The following DCAF6 variants were observed in gnomAD, a reference collection of about 807,000 sequenced individuals.
The protein encoded by DCAF6 is DDB1- and CUL4-associated factor 6.
A neutral mutation model predicts 125.1 loss-of-function variants in DCAF6; 54 were observed. The observed-to-expected ratio is 0.43, with a 90% CI of 0.35 to 0.54. The LOEUF (loss-of-function observed/expected upper bound fraction) is 0.54, where lower values mean the gene tolerates loss of function less well. Ranked by LOEUF, DCAF6 falls within the 20% of genes least tolerant of loss-of-function variation. The pLI is 0.01. For missense variants in DCAF6, 934 were observed against 1,161.7 expected, an observed-to-expected ratio of 0.80 and a Z score of 2.85; for synonymous variants, 371 against 390.4, an observed-to-expected ratio of 0.95 and a Z score of 0.58.
intron 17 of DCAF6, among the ~76,000 whole-genome samples, chr1:168,052,504 C>A (rs946957339): frequency 3.3e-5 from 5 of 152,170 alleles, no homozygotes; most frequent in Admixed American, 2.0e-4. Flanking sequence ...GTGGAAACTT[C>A]TAATTATAAG....
Position 168,045,294 on chromosome 1 carries a change from T to G in DCAF6, c.2258+67T>G, listed in dbSNP as rs417427. 51,618 of 1,400,108 alleles carry G rather than the reference T, an allele frequency of 0.037. 7,381 individuals are homozygous for G. The African/African-American group carries it at 0.44, about 12-fold the overall frequency. 86.7% of individuals were successfully genotyped at this position (1,400,108 alleles called of 1,614,324 possible). On this transcript the variant is annotated intron_variant, in intron 16 of 21. Transcript: ENST00000367840. ...TTCACAAGGATTTGTTTGAAGTCAT[T>G]GAAGGGAATCTCTCCATTTTTGACA...
At chr1:168,043,278 G>A (rs966299322) in intron 14 of DCAF6, 138 bp downstream of exon 14, 1 of 651,696 alleles carries the variant, frequency 1.5e-6, no homozygotes, top group African/African-American at 1.8e-5. Flanking sequence ...CTGTTAAACT[G>A]ATAGATAGCA....
chr1:168,049,381 T>C (rs1293297704), intron 16 of DCAF6, among the ~76,000 whole-genome samples: 1 of 151,686 alleles, frequency 6.6e-6, no homozygotes, highest in South Asian at 2.1e-4. Context: ...TAGCTGGGAT[T>C]ACAGGTGCAT....
intron 4 of DCAF6, among the ~76,000 whole-genome samples, chr1:167,977,123 C>T (rs1193025383): frequency 7.3e-5 from 11 of 150,236 alleles, no homozygotes; most frequent in East Asian, 2.0e-4. Context: ...AGGCTGGTCT[C>T]GAACTCCCGA....
chr1:168,001,755 A>G (rs572664452), intron 7 of DCAF6, among the ~76,000 whole-genome samples: 8 of 152,316 alleles, frequency 5.3e-5, no homozygotes, highest in Admixed American at 3.9e-4. Flanking sequence ...AAGATACTCA[A>G]GGAGTTGAAG....
At chr1:167,884,556 C>A in the DCAF6 span, among the ~76,000 whole-genome samples, 1 of 152,252 alleles carries the variant, frequency 6.6e-6, no homozygotes, top group African/African-American at 2.4e-5. Flanking sequence ...GTTGTACTAG[C>A]AAATACTAGG....
At chr1:167,966,142 T>C (rs561299275) in intron 2 of DCAF6, among the ~76,000 whole-genome samples, 14 of 152,346 alleles carry the variant, frequency 9.2e-5, no homozygotes, top group African/African-American at 2.9e-4. Flanking sequence ...CTTACCTCTC[T>C]GAAGGATCCA....
the DCAF6 span, chr1:167,920,577 T>C: frequency 1.1e-5 from 17 of 1,613,924 alleles, no homozygotes; most frequent in Non-Finnish European, 1.4e-5. Flanking sequence ...GATTGAGCTG[T>C]GCTAAGTTTT....
upstream of DCAF6, chr1:167,936,061 C>G (rs1671168793): frequency 2.4e-5 from 14 of 587,658 alleles, no homozygotes; most frequent in Non-Finnish European, 3.7e-5. Context: ...ACTGCCAGCC[C>G]CCGGTCCGCC....
intron 12 of DCAF6, among the ~76,000 whole-genome samples, chr1:168,035,833 T>C (rs1687734400): frequency 6.6e-6 from 1 of 151,990 alleles, no homozygotes; most frequent in African/African-American, 2.4e-5. Flanking sequence ...GAGGCCGAAG[T>C]GGGTGAATCA....
chr1:167,970,253 G>T (rs969536234), intron 3 of DCAF6, among the ~76,000 whole-genome samples: 4 of 152,064 alleles, frequency 2.6e-5, no homozygotes, highest in African/African-American at 9.7e-5. Flanking sequence ...AAGAAATGAC[G>T]ATCCCTTTGA....
chr1:168,018,841 G>A (rs1685308308), intron 11 of DCAF6, among the ~76,000 whole-genome samples: 1 of 151,996 alleles, frequency 6.6e-6, no homozygotes, highest in African/African-American at 2.4e-5. Context: ...AATTAGATTG[G>A]CTGAACTCTT....
intron 12 of DCAF6, chr1:168,023,602 G>C (rs7526546): frequency 0.018 from 2,801 of 156,854 alleles, 77 homozygotes; most frequent in African/African-American, 0.064. Flanking sequence ...TGTGGGAAAG[G>C]TATAGAATCA....
intron 2 of DCAF6, among the ~76,000 whole-genome samples, chr1:167,964,367 A>C (rs1676071116): frequency 6.6e-6 from 1 of 152,186 alleles, no homozygotes; most frequent in Non-Finnish European, 1.5e-5. Context: ...ACTGCTTTAA[A>C]TATTTCACTC....
At chr1:168,009,220 A>C (rs1455142078) in intron 10 of DCAF6, among the ~76,000 whole-genome samples, 1 of 151,688 alleles carries the variant, frequency 6.6e-6, no homozygotes, top group Non-Finnish European at 1.5e-5. Flanking sequence ...CGATGGTCTC[A>C]ATCTCCTGAC....
intron 16 of DCAF6, among the ~76,000 whole-genome samples, chr1:168,047,483 A>T (rs899482087): frequency 1.3e-5 from 2 of 152,118 alleles, no homozygotes; most frequent in Non-Finnish European, 2.9e-5. Flanking sequence ...ATATTATTTA[A>T]TATTCTGTAC....
chr1:167,974,083 A>C (rs1344625589), intron 3 of DCAF6, among the ~76,000 whole-genome samples: 1 of 152,118 alleles, frequency 6.6e-6, no homozygotes, highest in Non-Finnish European at 1.5e-5. Context: ...CTGTTAAGTG[A>C]GAATTGATAT....
intron 4 of DCAF6, among the ~76,000 whole-genome samples, chr1:167,980,475 C>T (rs1678931770): frequency 6.6e-6 from 1 of 152,142 alleles, no homozygotes; most frequent in African/African-American, 2.4e-5. Context: ...CATTTCCTTG[C>T]CAACACTTAC....
chr1:167,975,344 C>T (rs114644930), intron 4 of DCAF6, among the ~76,000 whole-genome samples: 2,865 of 152,174 alleles, frequency 0.019, 79 homozygotes, highest in African/African-American at 0.065. Context: ...TAGGCTTTAC[C>T]CTTTTAAACA....
Sources: allele counts gnomAD v4.1 joint callset (sites outside exome capture counted in the v4.1 genomes callset), GRCh38; gene constraint gnomAD v4.1.1; transcripts MANE v1.5; gene names NCBI Gene and HGNC (gene_info 2026-07-23, HGNC 2026-07-21).